NEURL1: variants seen among roughly 807,000 people sequenced by gnomAD.
NEURL1 encodes neuralized E3 ubiquitin protein ligase 1.
A neutral mutation model predicts 41.2 loss-of-function variants in NEURL1; 26 were observed. That is an observed-to-expected ratio of 0.63 (90% CI 0.46 to 0.87). NEURL1 has a LOEUF of 0.87. NEURL1 is among the 40% of genes least tolerant of loss of function. NEURL1 has a pLI of 0.00. For synonymous variants in NEURL1, 400 were observed against 402.3 expected (o/e 0.99, Z 0.07); for missense variants, 761 against 871.1 (o/e 0.87, Z 1.59).
chr10:103,503,813 C>G (rs2033881875), intron 1 of NEURL1, among the ~76,000 whole-genome samples: 1 of 87,760 alleles, frequency 1.1e-5, no homozygotes. Flanking sequence ...TTTTTTGAGA[C>G]AGGGTCTTGT....
chr10:103,565,451 C>T (rs184755192), intron 1 of NEURL1, among the ~76,000 whole-genome samples: 72 of 152,256 alleles, frequency 4.7e-4, no homozygotes, highest in African/African-American at 7.7e-4. Flanking sequence ...AGGGAACCCC[C>T]GTTCTGTTTC....
At chr10:103,575,645 G>C (rs935957878) in intron 3 of NEURL1, among the ~76,000 whole-genome samples, 1 of 152,142 alleles carries the variant, frequency 6.6e-6, no homozygotes, top group Admixed American at 6.5e-5. Context: ...CCACAATGGT[G>C]CCCATGCCAT....
chr10:103,555,869 G>T (rs1431531134), intron 1 of NEURL1, among the ~76,000 whole-genome samples: 2 of 152,202 alleles, frequency 1.3e-5, no homozygotes, highest in African/African-American at 4.8e-5. Context: ...GTGGGCCTTG[G>T]AGATGGTGCT....
intron 1 of NEURL1, among the ~76,000 whole-genome samples, chr10:103,540,334 G>C (rs943243082): frequency 1.4e-4 from 21 of 151,744 alleles, no homozygotes; most frequent in Admixed American, 1.1e-3. Flanking sequence ...CTTTCACCCA[G>C]GCTGGAGCGC....
chr10:103,584,477 G>A, intron 3 of NEURL1, 59 bp from the exon 4 acceptor site: 1 of 1,166,484 alleles, frequency 8.6e-7, no homozygotes, highest in Non-Finnish European at 1.1e-6. Context: ...GGACAGCGGG[G>A]CGCGCCGGGG....
intron 1 of NEURL1, among the ~76,000 whole-genome samples, chr10:103,550,302 A>T (rs1040784497): frequency 5.3e-5 from 8 of 152,158 alleles, no homozygotes; most frequent in African/African-American, 1.9e-4. Flanking sequence ...GAAAAGAGGG[A>T]CAGCTATAGT....
At chr10:103,529,490 A>G (rs1330426176) in intron 1 of NEURL1, among the ~76,000 whole-genome samples, 1 of 152,222 alleles carries the variant, frequency 6.6e-6, no homozygotes, top group Non-Finnish European at 1.5e-5. Flanking sequence ...AGTTTTCCCA[A>G]GGGGCTTTTA....
chr10:103,532,886 A>G (rs1352255174), intron 1 of NEURL1, among the ~76,000 whole-genome samples: 1 of 150,350 alleles, frequency 6.7e-6, no homozygotes, highest in Non-Finnish European at 1.5e-5. Context: ...TATTTCATTA[A>G]ATAGGTTTTC....
At chr10:103,567,324 AT>A (rs1564824944) in intron 1 of NEURL1, among the ~76,000 whole-genome samples, 1 of 151,152 alleles carries the variant, frequency 6.6e-6, no homozygotes, top group South Asian at 2.1e-4. Context: ...GGTTATGAGT[AT>A]TTTTTAATTT....
intron 1 of NEURL1, among the ~76,000 whole-genome samples, chr10:103,528,959 A>G (rs1269344134): frequency 6.6e-6 from 1 of 152,216 alleles, no homozygotes; most frequent in Non-Finnish European, 1.5e-5. Flanking sequence ...TATATTACCT[A>G]TTTCTCTTGT....
At chr10:103,498,379 A>G (rs1215570483) in intron 1 of NEURL1, among the ~76,000 whole-genome samples, 10 of 152,016 alleles carry the variant, frequency 6.6e-5, no homozygotes, top group Non-Finnish European at 1.5e-4. Context: ...GGCGCCCGCC[A>G]CCGCGCCCGG....
rs571008928 is a variant in NEURL1, at chr10:103,509,897, T to A, written c.85+15425T>A. 5.9e-5 allele frequency among the ~76,000 whole-genome samples: 9 copies of A among 152,272 alleles called. No homozygotes were observed. In the South Asian group the frequency reaches 1.9e-3, roughly 32 times the overall value. ...AGGGTTCCATTCCTGGAGGGCAGGT[T>A]TCCGTTTCAGGGTCCAGGATTTGTG... On this transcript the variant is annotated intron_variant, in intron 1 of 5. Transcript: ENST00000369780.
chr10:103,547,479 G>A (rs1281565357), intron 1 of NEURL1, among the ~76,000 whole-genome samples: 1 of 152,242 alleles, frequency 6.6e-6, no homozygotes, highest in Non-Finnish European at 1.5e-5. Context: ...GAGCAGAAGT[G>A]GAGGCCAAGT....
chr10:103,575,035 ATCCAGAGATC>A (rs1204131839), intron 3 of NEURL1, among the ~76,000 whole-genome samples: 2 of 149,844 alleles, frequency 1.3e-5, no homozygotes, highest in Non-Finnish European at 2.9e-5. Context: ...ACAGAGATTC[ATCCAGAGATC>A]TCCTGAGGTG....
intron 1 of NEURL1, among the ~76,000 whole-genome samples, chr10:103,557,817 C>T (rs189723736): frequency 5.3e-5 from 8 of 152,318 alleles, no homozygotes; most frequent in Admixed American, 3.3e-4. Flanking sequence ...CTAGGGGTGC[C>T]GTAGCCTGTA....
intron 3 of NEURL1, among the ~76,000 whole-genome samples, chr10:103,576,313 CA>C (rs1380617477): frequency 6.6e-6 from 1 of 151,938 alleles, no homozygotes; most frequent in African/African-American, 2.4e-5. Context: ...TTAGGTCAGA[CA>C]GGGGGGTGTC....
intron 3 of NEURL1, among the ~76,000 whole-genome samples, chr10:103,575,689 C>T (rs2035646701): frequency 6.6e-6 from 1 of 152,078 alleles, no homozygotes; most frequent in Non-Finnish European, 1.5e-5. Context: ...GTTATGGTGC[C>T]CATGCCACAG....
chr10:103,571,404 C>T, intron 2 of NEURL1, 97 bp from the exon 3 acceptor site: 3 of 1,278,994 alleles, frequency 2.3e-6, no homozygotes, highest in Non-Finnish European at 3.2e-6. Context: ...GGGCAGGCTG[C>T]TGTGGGATGC....
intron 1 of NEURL1, among the ~76,000 whole-genome samples, chr10:103,515,022 G>A (rs2034167161): frequency 6.6e-6 from 1 of 152,144 alleles, no homozygotes; most frequent in South Asian, 2.1e-4. Context: ...GAGGTCAGGA[G>A]TTTGAGACTG....
Sources: gnomAD v4.1 joint callset for allele counts (sites outside exome capture counted in the v4.1 genomes callset) on GRCh38, gnomAD v4.1.1 for gene constraint, MANE v1.5 for transcripts, NCBI Gene and HGNC (gene_info 2026-07-23, HGNC 2026-07-21) for gene names.